The following SMARCAD1 variants were observed in gnomAD, a reference collection of about 807,000 sequenced individuals.
The protein encoded by SMARCAD1 is SNF2 related chromatin remodeling ATPase with DExD box 1.
SMARCAD1 carries 25 observed loss-of-function variants against 127.1 expected under a neutral mutation model. The observed-to-expected ratio is 0.20, with a 90% CI of 0.14 to 0.27. The LOEUF (loss-of-function observed/expected upper bound fraction) is 0.27, where lower values mean the gene tolerates loss of function less well. SMARCAD1 is among the 10% of genes least tolerant of loss of function. The pLI, the probability that SMARCAD1 is intolerant of heterozygous loss-of-function variation, is 1.00. For synonymous variants in SMARCAD1, 400 were observed against 396.9 expected (o/e 1.01, Z -0.09); for missense variants, 807 against 1,206.0 (o/e 0.67, Z 4.90).
chr4:94,211,221 G>T (rs898997331), intron 2 of SMARCAD1, among the ~76,000 whole-genome samples: 1 of 151,876 alleles, frequency 6.6e-6, no homozygotes, highest in African/African-American at 2.4e-5. Context: ...GCAGTGAGCC[G>T]AGATTGTGCC....
At chr4:94,242,364 T>C (rs535552918) in intron 6 of SMARCAD1, among the ~76,000 whole-genome samples, 7 of 152,160 alleles carry the variant, frequency 4.6e-5, no homozygotes, top group South Asian at 2.1e-4. Flanking sequence ...GAATAACTTA[T>C]ATTCTGAGAT....
intron 9 of SMARCAD1, among the ~76,000 whole-genome samples, chr4:94,264,132 G>A (rs944640881): frequency 3.9e-5 from 6 of 151,916 alleles, no homozygotes; most frequent in East Asian, 3.9e-4. Flanking sequence ...ATATCTCTCC[G>A]TGTGATAGTC....
intron 2 of SMARCAD1, among the ~76,000 whole-genome samples, chr4:94,215,419 A>G (rs924742646): frequency 7.9e-5 from 12 of 152,076 alleles, no homozygotes; most frequent in Non-Finnish European, 1.6e-4. Flanking sequence ...CCAGGAGTTC[A>G]AGACCAGCTT....
At position 94,291,251 on chromosome 4, in the gene SMARCAD1, G is replaced by C; in HGVS notation, c.*1717G>C. On this transcript the variant is annotated 3_prime_UTR_variant, in exon 24 of 24. Coordinates refer to ENST00000354268, the MANE Select transcript of SMARCAD1 (RefSeq NM_020159.5). ...TGTAGTTGGGTTCTTCCTGTAATGCGCTATTATGTCTTGGGCTTAATAAAA... is the reference window on the plus strand; with the variant it reads ...TGTAGTTGGGTTCTTCCTGTAATGCCCTATTATGTCTTGGGCTTAATAAAA... 2.2e-6 allele frequency: 1 copy of C among 453,426 alleles called. No homozygotes were observed. Among genetic ancestry groups the C allele is most frequent in the Non-Finnish European group, 4.4e-6 (1 of 226,646 alleles). The allele number at this position is 453,426 out of a possible 1,614,324, so 28.1% of individuals were successfully genotyped here. A position where few individuals can be genotyped will look rare whatever the true frequency, so the allele number is the denominator to read the frequency against.
At chr4:94,269,112 A>G (rs1752161972) in intron 10 of SMARCAD1, among the ~76,000 whole-genome samples, 1 of 152,216 alleles carries the variant, frequency 6.6e-6, no homozygotes, top group Non-Finnish European at 1.5e-5. Flanking sequence ...CTATACTTTT[A>G]GTTGTATTAA....
intron 2 of SMARCAD1, among the ~76,000 whole-genome samples, chr4:94,213,488 T>C (rs908708115): frequency 6.6e-6 from 1 of 152,128 alleles, no homozygotes; most frequent in Non-Finnish European, 1.5e-5. Context: ...ACCATTGGGT[T>C]GTGAGGGGCC....
chr4:94,212,314 A>G (rs1008574301), intron 2 of SMARCAD1, among the ~76,000 whole-genome samples: 2 of 151,452 alleles, frequency 1.3e-5, no homozygotes. Flanking sequence ...AGCTGCGACT[A>G]CAGGCTCATG....
At position 94,290,174 on chromosome 4, in the gene SMARCAD1, A is replaced by G. The variant is rs1438561713; in HGVS notation, c.*640A>G. 6.6e-6 allele frequency: 3 copies of G among 454,512 alleles called. No homozygotes were observed. The highest frequency in any genetic ancestry group is 3.1e-5 in the South Asian group (2 of 64,472). 28.2% of individuals were successfully genotyped at this position (454,512 alleles called of 1,614,324 possible). ...TTGGCTAGGCACTAAGTTGTTTTCC[A>G]GTGAATAGTAACTAAAGAAGCCCCT... On this transcript the variant is annotated 3_prime_UTR_variant, in exon 24 of 24. Transcript: ENST00000354268.
rs534523191 is a variant in SMARCAD1 at position 94,231,260 on chromosome 4, G to A, written c.369-2694G>A. On this transcript the variant is annotated intron_variant, in intron 3 of 23. Transcript: ENST00000354268. ...TTAATGCAGTCTTGAGCACATTGCCGATTGGGGAGGAAGAGCTTATGAAGA... is the reference window on the plus strand; with the variant it reads ...TTAATGCAGTCTTGAGCACATTGCCAATTGGGGAGGAAGAGCTTATGAAGA... Among the ~76,000 whole-genome samples the A allele has an allele frequency of 1.8e-4, 27 of 152,266 alleles. No individual in the cohort carries two copies. In the South Asian group the frequency reaches 5.2e-3, roughly 29 times the overall value.
At position 94,226,263 on chromosome 4, in the gene SMARCAD1, A is replaced by G. The variant is rs1418932359; in HGVS notation, c.335A>G (p.Glu112Gly). The G allele has an allele frequency of 3.1e-6, 5 of 1,613,164 alleles. No individual in the cohort carries two copies. The highest frequency in any genetic ancestry group is 4.2e-6 in the Non-Finnish European group (5 of 1,179,396). ...VSPNCSNTVQ[E>G]KTFNKDTVII... ...CCAAATTGCTCCAATACAGTTCAAG[A>G]GAAAACATTCAACAAAGATACAGTG... Residue 112 changes from glutamate (E) to glycine (G), a missense_variant, in exon 3 of 24, where the codon GAG becomes GGG. Coordinates refer to ENST00000354268, the MANE Select transcript of SMARCAD1 (RefSeq NM_020159.5).
intron 2 of SMARCAD1, among the ~76,000 whole-genome samples, chr4:94,215,454 C>T (rs112344982): frequency 6.6e-6 from 1 of 151,938 alleles, no homozygotes; most frequent in Non-Finnish European, 1.5e-5. Context: ...GACCCTGTCT[C>T]TACAAAAAAT....
In SMARCAD1 at chr4:94,247,869, G is replaced by GGGGT. The variant is rs1355304586; in HGVS notation, c.706-1784_706-1781dup. Among the ~76,000 whole-genome samples the GGGGT allele has an allele frequency of 3.9e-5, 6 of 151,936 alleles. No individual in the cohort carries two copies. The East Asian group carries it at 1.2e-3, about 29-fold the overall frequency. On this transcript the variant is annotated intron_variant, in intron 6 of 23. Coordinates refer to ENST00000354268, the MANE Select transcript of SMARCAD1 (RefSeq NM_020159.5). The stretch of plus-strand genomic sequence containing the variant: ...CTTTTTTCAACTTTATGTTAGAATT[G>GGGGT]GGGTACATGTGCAAGTTTGTTACAA...
At chr4:94,263,345 A>G (rs1020228434) in intron 9 of SMARCAD1, among the ~76,000 whole-genome samples, 5 of 152,078 alleles carry the variant, frequency 3.3e-5, no homozygotes, top group African/African-American at 1.2e-4. Context: ...TCCTTAAGAC[A>G]CTGATTGTTA....
chr4:94,270,597 T>TG, intron 10 of SMARCAD1, 131 bp from the exon 11 acceptor site: 1 of 710,880 alleles, frequency 1.4e-6, no homozygotes, highest in Non-Finnish European at 2.5e-6. Context: ...TTTAAGTAGG[T>TG]GTACATAGCA....
At chr4:94,231,444 G>A (rs74753084) in intron 3 of SMARCAD1, among the ~76,000 whole-genome samples, 3,137 of 152,266 alleles carry the variant, frequency 0.021, 102 homozygotes, top group African/African-American at 0.071. Flanking sequence ...CAACTCTGTT[G>A]TTCTTACAGG....
chr4:94,269,381 TTAATG>T (rs1183609176), intron 10 of SMARCAD1, among the ~76,000 whole-genome samples: 4 of 152,146 alleles, frequency 2.6e-5, no homozygotes, highest in East Asian at 3.8e-4. Flanking sequence ...TGTTTTCACA[TTAATG>T]TAAGGTGTTT....
chr4:94,221,982 G>T (rs557926910), intron 2 of SMARCAD1, among the ~76,000 whole-genome samples: 2 of 152,154 alleles, frequency 1.3e-5, no homozygotes, highest in African/African-American at 2.4e-5. Context: ...GGAGACATAT[G>T]GGGGGTGTAA....
Position 94,274,759 on chromosome 4 carries a change from A to C in SMARCAD1, c.1694A>C (p.Asn565Thr). 6.2e-7 allele frequency: 1 copy of C among 1,613,982 alleles called. No homozygotes were observed. Among genetic ancestry groups the C allele is most frequent in the Non-Finnish European group, 8.5e-7 (1 of 1,179,842 alleles). ...ATAGATAACTGGTTAAGGGAAGTTA[A>C]TTTATGGTGCCCTACTTTGAAGGTC... The part of the protein sequence containing the change: ...STIDNWLREV[N>T]LWCPTLKVLC... The change falls in exon 13 of 24, where the codon AAT becomes ACT. Residue 565 changes from asparagine (N) to threonine (T), a missense_variant. This residue lies in a region of SMARCAD1 where 148 missense variants were observed against 313.2 expected (regional missense o/e 0.47). Coordinates refer to ENST00000354268, the MANE Select transcript of SMARCAD1 (RefSeq NM_020159.5).
intron 2 of SMARCAD1, among the ~76,000 whole-genome samples, chr4:94,217,287 C>T (rs1244879763): frequency 6.6e-6 from 1 of 151,962 alleles, no homozygotes; most frequent in African/African-American, 2.4e-5. Flanking sequence ...TTGAAAAATC[C>T]TTTTTCTTAC....
Sources: gnomAD v4.1 joint callset for allele counts (sites outside exome capture counted in the v4.1 genomes callset) on GRCh38, gnomAD v4.1.1 for gene constraint, gnomAD v4.1.1 regional missense constraint, MANE v1.5 for transcripts, NCBI Gene and HGNC (gene_info 2026-07-23, HGNC 2026-07-21) for gene names.